PHYHIPL: variants seen among roughly 807,000 people sequenced by gnomAD.
PHYHIPL encodes the protein phytanoyl-CoA hydroxylase-interacting protein-like.
In PHYHIPL, 9 loss-of-function variants were observed where a neutral mutation model predicts 33.4. The ratio of observed to expected loss-of-function variants is 0.27; its 90% CI spans 0.16 to 0.47. The LOEUF (loss-of-function observed/expected upper bound fraction) is 0.47, where lower values mean the gene tolerates loss of function less well. Among genes scored for constraint, PHYHIPL ranks in the 20% least tolerant of loss-of-function variants. PHYHIPL has a pLI of 0.99. For missense variants in PHYHIPL, 365 were observed against 460.7 expected (o/e 0.79, Z 1.90); for synonymous variants, 153 against 154.1 (o/e 0.99, Z 0.05).
At chr10:59,207,823 C>A (rs534666036) in intron 1 of PHYHIPL, among the ~76,000 whole-genome samples, 7 of 149,282 alleles carry the variant, frequency 4.7e-5, no homozygotes, top group African/African-American at 1.5e-4. Context: ...ATCTGGGAGG[C>A]GGAGCTTGCA....
At chr10:59,218,188 G>C (rs1044573211) in intron 1 of PHYHIPL, among the ~76,000 whole-genome samples, 9 of 152,014 alleles carry the variant, frequency 5.9e-5, no homozygotes, top group Admixed American at 5.3e-4. Flanking sequence ...AGTACCTGAA[G>C]TTTATACAAC....
upstream of PHYHIPL, among the ~76,000 whole-genome samples, chr10:59,174,192 C>T (rs1168657380): frequency 1.3e-5 from 2 of 151,974 alleles, no homozygotes; most frequent in Non-Finnish European, 2.9e-5. Context: ...CACCCTACAT[C>T]TTCAGGGTGG....
At chr10:59,185,409 G>C (rs1359690535) in intron 1 of PHYHIPL, among the ~76,000 whole-genome samples, 3 of 152,232 alleles carry the variant, frequency 2.0e-5, no homozygotes, top group Non-Finnish European at 4.4e-5. Context: ...ATTGTGAATA[G>C]TGGCGCAATA....
chr10:59,234,226 T>C, intron 1 of PHYHIPL, 78 bp from the exon 2 acceptor site: 1 of 1,150,644 alleles, frequency 8.7e-7, no homozygotes, highest in Non-Finnish European at 1.2e-6. Flanking sequence ...TTTTTATTGG[T>C]AATAAATCCA....
At chr10:59,177,591 A>G (rs1321883437) in intron 1 of PHYHIPL, 2 of 1,551,642 alleles carry the variant, frequency 1.3e-6, no homozygotes, top group South Asian at 1.2e-5. Flanking sequence ...GGCCTAATAT[A>G]TGTGCTGTGA....
At chr10:59,240,144 C>T (rs900723997) in intron 4 of PHYHIPL, among the ~76,000 whole-genome samples, 6 of 152,058 alleles carry the variant, frequency 3.9e-5, no homozygotes, top group Non-Finnish European at 8.8e-5. Flanking sequence ...TTTAGTCCTT[C>T]ATTTTCTCAA....
chr10:59,247,770 A>G lies in PHYHIPL; in HGVS notation c.*2179A>G, dbSNP rs895757447. On this transcript the variant is annotated 3_prime_UTR_variant, in exon 5 of 5. Transcript: ENST00000373880. ...ACAAAAATACATTTGTTAGTTCACA[A>G]TGAATCAAGTCATTATTTAAACATT... The G allele has an allele frequency of 5.6e-6, 9 of 1,597,154 alleles. No individual in the cohort carries two copies. The highest frequency in any genetic ancestry group is 1.7e-5 in the Admixed American group (1 of 58,816).
intron 1 of PHYHIPL, among the ~76,000 whole-genome samples, chr10:59,217,213 A>G (rs1307223913): frequency 6.6e-6 from 1 of 152,060 alleles, no homozygotes; most frequent in East Asian, 1.9e-4. Context: ...TGAAGTGGAG[A>G]AAAATGGTCT....
At chr10:59,221,967 T>G (rs1289233641) in intron 1 of PHYHIPL, among the ~76,000 whole-genome samples, 1 of 152,076 alleles carries the variant, frequency 6.6e-6, no homozygotes, top group African/African-American at 2.4e-5. Context: ...CCATGTCCTC[T>G]ATTTCTAACT....
At position 59,245,665 on chromosome 10, in the gene PHYHIPL, T is replaced by A; in HGVS notation, c.*74T>A. On this transcript the variant is annotated 3_prime_UTR_variant, in exon 5 of 5. Transcript: ENST00000373880. ...ATTGGTCCTCTGTTGTCCATTTTTA[T>A]CACCAGATGTTTTCCACTGAAGCAT... The A allele has an allele frequency of 3.4e-6, 5 of 1,449,726 alleles. No individual in the cohort carries two copies. The highest frequency in any genetic ancestry group is 4.6e-6 in the Non-Finnish European group (5 of 1,081,960). The allele number at this position is 1,449,726 out of a possible 1,614,324, so 89.8% of individuals were successfully genotyped here.
At chr10:59,201,998 T>G in intron 1 of PHYHIPL, among the ~76,000 whole-genome samples, 1 of 151,930 alleles carries the variant, frequency 6.6e-6, no homozygotes, top group South Asian at 2.1e-4. Flanking sequence ...GAAGGAAAAG[T>G]TGAGAAAATA....
intron 3 of PHYHIPL, among the ~76,000 whole-genome samples, chr10:59,238,383 A>AC (rs1840288416): frequency 6.6e-6 from 1 of 152,024 alleles, no homozygotes; most frequent in South Asian, 2.1e-4. Context: ...ATTCTAAGAA[A>AC]CAACCATAAA....
intron 4 of PHYHIPL, among the ~76,000 whole-genome samples, chr10:59,243,960 CAGT>C (rs1338705797): frequency 6.6e-6 from 1 of 152,122 alleles, no homozygotes; most frequent in African/African-American, 2.4e-5. Context: ...CCAGCAGCAG[CAGT>C]AGTCAGAGAT....
chr10:59,197,735 A>C (rs1838958411), intron 1 of PHYHIPL, among the ~76,000 whole-genome samples: 1 of 152,206 alleles, frequency 6.6e-6, no homozygotes, highest in South Asian at 2.1e-4. Flanking sequence ...TGTTGGTTAC[A>C]ATTACCAACA....
chr10:59,199,439 T>A (rs958015505), intron 1 of PHYHIPL, among the ~76,000 whole-genome samples: 50 of 152,284 alleles, frequency 3.3e-4, no homozygotes, highest in Non-Finnish European at 4.7e-4. Flanking sequence ...TGCCAGTACC[T>A]TGCTGTTTTT....
At chr10:59,177,545 G>C in intron 1 of PHYHIPL, 1 of 1,551,686 alleles carries the variant, frequency 6.4e-7, no homozygotes, top group Non-Finnish European at 8.7e-7. Context: ...CAATCTTCAT[G>C]GTTCCTGGGC....
intron 1 of PHYHIPL, among the ~76,000 whole-genome samples, chr10:59,217,731 A>G (rs532656919): frequency 2.0e-5 from 3 of 152,150 alleles, no homozygotes; most frequent in African/African-American, 7.2e-5. Context: ...GATAACTTTA[A>G]TGTATTTATG....
At chr10:59,226,537 G>A (rs1839930427) in intron 1 of PHYHIPL, among the ~76,000 whole-genome samples, 1 of 152,062 alleles carries the variant, frequency 6.6e-6, no homozygotes, top group Non-Finnish European at 1.5e-5. Context: ...TGCTAAGGAG[G>A]AGTTAGAGTG....
At chr10:59,228,458 T>C (rs1839990297) in intron 1 of PHYHIPL, among the ~76,000 whole-genome samples, 1 of 152,168 alleles carries the variant, frequency 6.6e-6, no homozygotes, top group South Asian at 2.1e-4. Context: ...TTGAGTTTTA[T>C]TACTATCTTA....
Sources: gnomAD v4.1 joint callset for allele counts (sites outside exome capture counted in the v4.1 genomes callset) on GRCh38, gnomAD v4.1.1 for gene constraint, MANE v1.5 for transcripts, NCBI Gene and HGNC (gene_info 2026-07-23, HGNC 2026-07-21) for gene names.